RNF220: variants seen among roughly 807,000 people sequenced by gnomAD.
RNF220 encodes ring finger protein 220.
Under a neutral mutation model 67.1 loss-of-function variants are expected in RNF220, and 7 were observed. That is an observed-to-expected ratio of 0.10 (90% CI 0.06 to 0.20). The LOEUF (loss-of-function observed/expected upper bound fraction) is 0.20. RNF220 is among the 10% of genes least tolerant of loss of function. RNF220 has a pLI of 1.00. For synonymous variants in RNF220, 270 were observed against 283.2 expected (o/e 0.95, Z 0.47); for missense variants, 565 against 740.3 (o/e 0.76, Z 2.75).
intron 2 of RNF220, among the ~76,000 whole-genome samples, chr1:44,518,893 A>AC (rs909085981): frequency 2.1e-4 from 30 of 146,060 alleles, no homozygotes; most frequent in African/African-American, 6.7e-4. Context: ...AAAAAACAAA[A>AC]AAAAAAAAAC....
chr1:44,628,733 A>G (rs1452996362), intron 5 of RNF220, among the ~76,000 whole-genome samples: 3 of 152,170 alleles, frequency 2.0e-5, no homozygotes, highest in South Asian at 2.1e-4. Context: ...TCTTGCCTCT[A>G]TGTCTTTTCA....
intron 2 of RNF220, among the ~76,000 whole-genome samples, chr1:44,445,507 C>G (rs1351145996): frequency 6.6e-6 from 1 of 152,134 alleles, no homozygotes; most frequent in Non-Finnish European, 1.5e-5. Context: ...TAGATCCTCT[C>G]AACTCCCTCC....
intron 2 of RNF220, among the ~76,000 whole-genome samples, chr1:44,598,507 C>A (rs1197752267): frequency 6.6e-6 from 1 of 152,144 alleles, no homozygotes; most frequent in Non-Finnish European, 1.5e-5. Context: ...TAATTGAAAC[C>A]CTTAGAGCTT....
intron 2 of RNF220, among the ~76,000 whole-genome samples, chr1:44,416,710 C>T (rs3866645): frequency 0.91 from 139,000 of 152,296 alleles, 63,762 homozygotes; most frequent in Middle Eastern, 0.97. Flanking sequence ...GCACTGACCA[C>T]ACGTGGCTTG....
chr1:44,612,492 CCTT>C (rs1428192597), intron 2 of RNF220, among the ~76,000 whole-genome samples: 1 of 152,212 alleles, frequency 6.6e-6, no homozygotes, highest in Non-Finnish European at 1.5e-5. Context: ...AAGAATTCCT[CCTT>C]CGTTTTAGCC....
At chr1:44,523,251 G>A (rs1187875485) in intron 2 of RNF220, among the ~76,000 whole-genome samples, 1 of 152,164 alleles carries the variant, frequency 6.6e-6, no homozygotes, top group Non-Finnish European at 1.5e-5. Flanking sequence ...TGCTTTAATG[G>A]CTCGTGGTGC....
intron 2 of RNF220, among the ~76,000 whole-genome samples, chr1:44,509,885 C>CAAAAAA (rs57479392): frequency 9.4e-6 from 1 of 106,106 alleles, no homozygotes; most frequent in African/African-American, 4.0e-5. Context: ...AGACCCTGTC[C>CAAAAAA]AAAAAAAAAA....
At chr1:44,432,379 T>C (rs939765304) in intron 2 of RNF220, among the ~76,000 whole-genome samples, 1 of 152,018 alleles carries the variant, frequency 6.6e-6, no homozygotes, top group African/African-American at 2.4e-5. Flanking sequence ...CAAGTGATTC[T>C]TGTGTCTCAG....
At chr1:44,598,657 G>A (rs1214748438) in intron 2 of RNF220, among the ~76,000 whole-genome samples, 1 of 141,382 alleles carries the variant, frequency 7.1e-6, no homozygotes, top group Non-Finnish European at 1.5e-5. Context: ...GCACGTGACT[G>A]GCCATATGTC....
intron 2 of RNF220, among the ~76,000 whole-genome samples, chr1:44,492,456 T>G (rs1160272291): frequency 1.3e-5 from 2 of 152,116 alleles, no homozygotes; most frequent in South Asian, 2.1e-4. Context: ...ACACAAAAAT[T>G]TGTACACTAA....
rs182464927 is a variant in RNF220, at chr1:44,594,272, C to A, written c.626-19893C>A. On this transcript the variant is annotated intron_variant, in intron 2 of 14. Coordinates refer to ENST00000361799, the MANE Select transcript of RNF220 (RefSeq NM_018150.4). ...CCTGGAGGGCGCTTTGCCTCCCCCC[C>A]TCCCTCCTTGTTACTTCATTCCCTC... 2.0e-5 allele frequency among the ~76,000 whole-genome samples: 3 copies of A among 152,236 alleles called. No individual in the cohort carries two copies. The East Asian group carries it at 5.8e-4, about 29-fold the overall frequency.
chr1:44,480,351 G>A (rs1201953933), intron 2 of RNF220, among the ~76,000 whole-genome samples: 1 of 152,156 alleles, frequency 6.6e-6, no homozygotes, highest in Non-Finnish European at 1.5e-5. Context: ...AGGCTGTGGT[G>A]AGCCCTGATC....
chr1:44,446,900 G>A (rs952294833), intron 2 of RNF220, among the ~76,000 whole-genome samples: 2 of 152,184 alleles, frequency 1.3e-5, no homozygotes, highest in Non-Finnish European at 2.9e-5. Context: ...CATAATGGGT[G>A]AAGTTACGCA....
upstream of RNF220, among the ~76,000 whole-genome samples, chr1:44,404,919 T>C (rs1647218638): frequency 6.6e-6 from 1 of 152,170 alleles, no homozygotes; most frequent in Admixed American, 6.5e-5. Flanking sequence ...CCATTTACTC[T>C]TGGTCCCTTT....
intron 2 of RNF220, among the ~76,000 whole-genome samples, chr1:44,470,295 C>T (rs1654687814): frequency 6.6e-6 from 1 of 152,134 alleles, no homozygotes; most frequent in Non-Finnish European, 1.5e-5. Context: ...ATAGATGAGA[C>T]AGATAACAAT....
intron 2 of RNF220, among the ~76,000 whole-genome samples, chr1:44,559,718 G>A (rs1279353759): frequency 4.6e-5 from 7 of 152,340 alleles, no homozygotes; most frequent in African/African-American, 1.4e-4. Flanking sequence ...CGCAGTGTGC[G>A]AGGGAGCTTT....
At chr1:44,424,079 T>C in intron 2 of RNF220, 2 of 944,470 alleles carry the variant, frequency 2.1e-6, no homozygotes, top group Non-Finnish European at 1.3e-6. Context: ...CGGTGCTGTT[T>C]GCAAGGGAAT....
intron 2 of RNF220, among the ~76,000 whole-genome samples, chr1:44,449,156 A>G (rs566988487): frequency 2.2e-4 from 34 of 152,358 alleles, no homozygotes; most frequent in Non-Finnish European, 3.5e-4. Flanking sequence ...TCACAGCTCT[A>G]GCTAGCTGAA....
At chr1:44,627,934 G>A (rs901583082) in intron 5 of RNF220, among the ~76,000 whole-genome samples, 4 of 152,228 alleles carry the variant, frequency 2.6e-5, no homozygotes, top group Non-Finnish European at 5.9e-5. Context: ...GACAGACTCC[G>A]CCGAATGCCT....
Sources: allele counts gnomAD v4.1 joint callset (sites outside exome capture counted in the v4.1 genomes callset), GRCh38; gene constraint gnomAD v4.1.1; transcripts MANE v1.5; gene names NCBI Gene and HGNC (gene_info 2026-07-23, HGNC 2026-07-21).